Variants in PIGL observed in about 807,000 individuals in gnomAD.
The protein encoded by PIGL is phosphatidylinositol glycan anchor biosynthesis class L, also known as N-acetylglucosaminyl-phosphatidylinositol de-N-acetylase.
A neutral mutation model predicts 31.1 loss-of-function variants in PIGL; 22 were observed. The observed-to-expected ratio is 0.71, with a 90% confidence interval of 0.51 to 1.01. The LOEUF is 1.01. Ranked by LOEUF, PIGL falls within the 50% of genes least tolerant of loss-of-function variation. The pLI, the probability that PIGL is intolerant of heterozygous loss-of-function variation, is 0.00. For synonymous variants in PIGL, 131 were observed against 117.4 expected, an observed-to-expected ratio of 1.12 and a Z score of -0.75; for missense variants, 302 against 315.9, an observed-to-expected ratio of 0.96 and a Z score of 0.33.
intron 6 of PIGL, among the ~76,000 whole-genome samples, chr17:16,325,138 G>A (rs1460445394): frequency 6.6e-6 from 1 of 151,984 alleles, no homozygotes; most frequent in East Asian, 1.9e-4. Context: ...TAGGTCAGGA[G>A]ATCGAGACTA....
chr17:16,233,071 G>A (rs138125878), intron 1 of PIGL, among the ~76,000 whole-genome samples: 2,424 of 151,358 alleles, frequency 0.016, 62 homozygotes, highest in African/African-American at 0.055. Flanking sequence ...CCAAGATCGC[G>A]CTGCTGTACT....
At chr17:16,286,030 G>A (rs1196649407) in intron 2 of PIGL, among the ~76,000 whole-genome samples, 1 of 152,224 alleles carries the variant, frequency 6.6e-6, no homozygotes, top group Non-Finnish European at 1.5e-5. Context: ...CCACGTCCTT[G>A]GCTAGCCTTA....
intron 1 of PIGL, 168 bp downstream of exon 1, chr17:16,217,629 A>ACACCAT: frequency 7.3e-6 from 4 of 547,594 alleles, no homozygotes; most frequent in South Asian, 2.9e-5. Flanking sequence ...CGGCCGGCTT[A>ACACCAT]CCTGGTGGGT....
intron 2 of PIGL, among the ~76,000 whole-genome samples, chr17:16,286,140 C>A (rs1436028854): frequency 1.3e-5 from 2 of 152,222 alleles, no homozygotes; most frequent in East Asian, 1.9e-4. Context: ...GGTGGCTGAA[C>A]CTTCCGGCTT....
intron 5 of PIGL, chr17:16,317,384 T>A (rs1016343190): frequency 1.0e-6 from 1 of 958,060 alleles, no homozygotes; most frequent in Non-Finnish European, 1.3e-6. Flanking sequence ...AAACTGAGAC[T>A]GAGAGTGGTT....
chr17:16,234,350 G>A (rs935926395), intron 2 of PIGL, among the ~76,000 whole-genome samples: 1 of 152,008 alleles, frequency 6.6e-6, no homozygotes, highest in African/African-American at 2.4e-5. Flanking sequence ...AAGAGGCTGA[G>A]GCAGGAGAAT....
chr17:16,312,891 A>C (rs6502499), intron 3 of PIGL: 4 of 140,886 alleles, frequency 2.8e-5, no homozygotes, highest in African/African-American at 1.1e-4. Context: ...GCTTCGGCTC[A>C]GCATCAGAAG....
At chr17:16,271,519 A>G (rs1261679950) in intron 2 of PIGL, among the ~76,000 whole-genome samples, 1 of 151,878 alleles carries the variant, frequency 6.6e-6, no homozygotes, top group Admixed American at 6.6e-5. Context: ...AGTGTGTCCC[A>G]AATTTCACAT....
At chr17:16,247,625 G>A (rs1336522521) in intron 2 of PIGL, among the ~76,000 whole-genome samples, 3 of 152,196 alleles carry the variant, frequency 2.0e-5, no homozygotes, top group Non-Finnish European at 4.4e-5. Context: ...GGTGGGAATG[G>A]TAGTCCTTCT....
chr17:16,322,476 A>G (rs1186421680), intron 6 of PIGL, among the ~76,000 whole-genome samples: 1 of 152,102 alleles, frequency 6.6e-6, no homozygotes, highest in East Asian at 1.9e-4. Flanking sequence ...CTTTAATACT[A>G]TTAATTTTCC....
At chr17:16,243,221 T>C (rs1023121227) in intron 2 of PIGL, among the ~76,000 whole-genome samples, 1 of 152,096 alleles carries the variant, frequency 6.6e-6, no homozygotes, top group Admixed American at 6.6e-5. Context: ...AGCTAATTTT[T>C]ATATTTTTAG....
chr17:16,289,807 G>A (rs1263577220), intron 2 of PIGL, among the ~76,000 whole-genome samples: 13 of 152,194 alleles, frequency 8.5e-5, no homozygotes, highest in Admixed American at 3.3e-4. Context: ...ACAGAGTTTC[G>A]CTCTTGTTGT....
intron 1 of PIGL, among the ~76,000 whole-genome samples, chr17:16,228,436 G>A (rs2092662931): frequency 6.6e-6 from 1 of 151,862 alleles, no homozygotes; most frequent in Admixed American, 6.6e-5. Flanking sequence ...CCAGGCTGGA[G>A]TGCAGTGGCG....
intron 2 of PIGL, among the ~76,000 whole-genome samples, chr17:16,275,192 T>C (rs191921648): frequency 1.3e-5 from 2 of 152,308 alleles, no homozygotes; most frequent in Admixed American, 6.5e-5. Context: ...GGTGGGCAAT[T>C]CCCAGAACTG....
In PIGL at chr17:16,264,624, A is replaced by G. The variant is rs1348474482; in HGVS notation, c.335+30554A>G. Reference sequence around the variant, plus strand: ...CATTATTATTATTATTATTATTATTATTATTATTATTATTATTATTATTAT... The same window carrying G: ...CATTATTATTATTATTATTATTATTGTTATTATTATTATTATTATTATTAT... On this transcript the variant is annotated intron_variant, in intron 2 of 6. Coordinates refer to ENST00000225609, the MANE Select transcript of PIGL (RefSeq NM_004278.4). Among the ~76,000 whole-genome samples the G allele has an allele frequency of 1.9e-4, 28 of 148,010 alleles. 1 individual carries two copies. The highest frequency in any genetic ancestry group is 6.7e-4 in the African/African-American group (27 of 40,306).
chr17:16,223,732 A>G (rs986559328), intron 1 of PIGL, among the ~76,000 whole-genome samples: 9 of 152,058 alleles, frequency 5.9e-5, no homozygotes, highest in African/African-American at 1.9e-4. Context: ...AGAAAAAAAA[A>G]AAAGAAAGCT....
chr17:16,229,880 T>TTTTTTTA (rs1555848571), intron 1 of PIGL, among the ~76,000 whole-genome samples: 1 of 149,186 alleles, frequency 6.7e-6, no homozygotes, highest in African/African-American at 2.5e-5. Context: ...TTTTTTTTTT[T>TTTTTTTA]GAGACGGAGT....
At chr17:16,239,497 GA>G (rs367933918) in intron 2 of PIGL, among the ~76,000 whole-genome samples, 19 of 142,914 alleles carry the variant, frequency 1.3e-4, no homozygotes, top group Admixed American at 3.5e-4. Flanking sequence ...AAATAAAAAA[GA>G]AAAAAAAAAG....
At chr17:16,246,610 T>C (rs1441842015) in intron 2 of PIGL, among the ~76,000 whole-genome samples, 4 of 150,682 alleles carry the variant, frequency 2.7e-5, no homozygotes, top group Admixed American at 2.0e-4. Flanking sequence ...GTAGACAGTG[T>C]GGCTTAAACA....
Sources: gnomAD v4.1 joint callset for allele counts (sites outside exome capture counted in the v4.1 genomes callset) on GRCh38, gnomAD v4.1.1 for gene constraint, MANE v1.5 for transcripts, NCBI Gene and HGNC (gene_info 2026-07-23, HGNC 2026-07-21) for gene names.